TAB1: variants seen among roughly 807,000 people sequenced by gnomAD.
The protein encoded by TAB1 is TGF-beta-activated kinase 1 and MAP3K7-binding protein 1.
A neutral mutation model predicts 54.5 loss-of-function variants in TAB1; 30 were observed. The observed-to-expected ratio is 0.55, with a 90% CI of 0.41 to 0.75. The LOEUF is 0.75. Among genes scored for constraint, TAB1 ranks in the 30% least tolerant of loss-of-function variants. TAB1 has a pLI of 0.00. For synonymous variants in TAB1, 289 were observed against 286.9 expected (o/e 1.01, Z -0.07); for missense variants, 609 against 683.2 (o/e 0.89, Z 1.21).
At chr22:39,410,142 C>G (rs552827502) in intron 1 of TAB1, among the ~76,000 whole-genome samples, 183 of 152,292 alleles carry the variant, frequency 1.2e-3, no homozygotes, top group Middle Eastern at 3.4e-3. Flanking sequence ...GAGTCTCACT[C>G]TGTCATCCAG....
chr22:39,415,756 C>A lies in TAB1; in HGVS notation c.324+103C>A. 1 of 1,431,974 alleles carries A rather than the reference C, an allele frequency of 7.0e-7. No individual in the cohort carries two copies. The highest frequency in any genetic ancestry group is 9.4e-7 in the Non-Finnish European group (1 of 1,069,498). 88.7% of individuals were successfully genotyped at this position (1,431,974 alleles called of 1,614,324 possible). On this transcript the variant is annotated intron_variant, in intron 3 of 10. Coordinates refer to ENST00000216160, the MANE Select transcript of TAB1 (RefSeq NM_006116.3). The surrounding 1 kb of genome is among the most constrained non-coding windows in gnomAD (Gnocchi z 4.9). ...TGTTGCCAGGGTTGGTGTGAAGATCCTGCCGGCCCCTTCACCCCAGTAGAG... is the reference window on the plus strand; with the variant it reads ...TGTTGCCAGGGTTGGTGTGAAGATCATGCCGGCCCCTTCACCCCAGTAGAG...
downstream of TAB1, chr22:39,433,648 G>A: frequency 6.1e-6 from 6 of 985,428 alleles, no homozygotes; most frequent in Non-Finnish European, 6.0e-6. Flanking sequence ...TGAGCTGGGA[G>A]CTGGCAGCAG....
rs776021617 is a variant in TAB1, at chr22:39,415,006, G to A, written c.34G>A (p.Glu12Lys). The A allele has an allele frequency of 1.2e-6, 2 of 1,613,844 alleles. No individual in the cohort carries two copies. Among genetic ancestry groups the A allele is most frequent in the African/African-American group, 1.3e-5 (1 of 74,916 alleles). The change falls in exon 2 of 11, where the codon GAG becomes AAG. Residue 12 changes from glutamate (E) to lysine (K), a missense_variant and splice_region_variant. Physicochemically the swap from Glu to Lys is moderately conservative, Grantham distance 56. Transcript: ENST00000216160. This position sits in a 1 kb window ranked among gnomAD's most constrained non-coding sequence, Gnocchi z 4.9. ...AAQRRSLLQS[E>K]QQPSWTDDLP... ...ACGGCTTCCTGGTGTCCTTCCCCAGGAGCAGCAGCCAAGCTGGACAGATGA... is the reference window on the plus strand; with the variant it reads ...ACGGCTTCCTGGTGTCCTTCCCCAGAAGCAGCAGCCAAGCTGGACAGATGA...
chr22:39,416,012 G>A (rs976263496), intron 3 of TAB1, among the ~76,000 whole-genome samples: 2 of 152,164 alleles, frequency 1.3e-5, no homozygotes, highest in African/African-American at 2.4e-5. Flanking sequence ...CCAGGTGCAG[G>A]AGCCATCCCT....
intron 1 of TAB1, among the ~76,000 whole-genome samples, chr22:39,409,437 G>C (rs996437887): frequency 1.3e-4 from 20 of 152,150 alleles, no homozygotes; most frequent in African/African-American, 4.3e-4. Context: ...CATTCCCATG[G>C]CCCAGAGGCC....
At chr22:39,411,280 A>T (rs1415761087) in intron 1 of TAB1, among the ~76,000 whole-genome samples, 1 of 152,244 alleles carries the variant, frequency 6.6e-6, no homozygotes, top group African/African-American at 2.4e-5. Flanking sequence ...AAAAGCATGA[A>T]CCATGAAAGA....
At position 39,426,925 on chromosome 22, in the gene TAB1, G is replaced by A. The variant is rs1601699727; in HGVS notation, c.1144G>A (p.Ala382Thr). The change falls in exon 9 of 11, where the codon GCT (alanine) becomes ACT (threonine). Residue 382 changes from alanine to threonine, a missense_variant and splice_region_variant. Physicochemically the swap from Ala to Thr is moderately conservative, Grantham distance 58. Coordinates refer to ENST00000216160, the MANE Select transcript of TAB1 (RefSeq NM_006116.3). ...MSQPTPSPAP[A>T]AGGRVYPVSV... ...CCAGCCCACACCGAGCCCAGCCCCA[G>A]GTACGTGTGCTGTGCAGACAGGCAG... 6 of 1,610,562 alleles carry A rather than the reference G, an allele frequency of 3.7e-6. No homozygotes were observed. In the East Asian group the frequency reaches 1.3e-4, roughly 36 times the overall value.
chr22:39,405,743 G>C (rs17001091), intron 1 of TAB1, among the ~76,000 whole-genome samples: 4 of 152,176 alleles, frequency 2.6e-5, no homozygotes, highest in Non-Finnish European at 4.4e-5. Context: ...AGCAATGGAC[G>C]CTCGGTATGG....
chr22:39,400,412 G>A (rs1926085805), intron 1 of TAB1, among the ~76,000 whole-genome samples: 1 of 152,190 alleles, frequency 6.6e-6, no homozygotes, highest in South Asian at 2.1e-4. Flanking sequence ...CCCCTGGGCT[G>A]TACTAAAGGA....
intron 10 of TAB1, chr22:39,429,772 G>A (rs188506999): frequency 9.2e-6 from 9 of 973,458 alleles, no homozygotes; most frequent in East Asian, 1.1e-4. Context: ...ATGAGCCACC[G>A]CGCCCAGCCC....
intron 1 of TAB1, 155 bp from the exon 2 acceptor site, chr22:39,414,851 C>A (rs752483059): frequency 5.3e-5 from 40 of 754,566 alleles, no homozygotes; most frequent in Middle Eastern, 3.8e-4. Flanking sequence ...CTGCAGGTGT[C>A]TGTTCATACA....
intron 1 of TAB1, among the ~76,000 whole-genome samples, chr22:39,403,680 C>G (rs1360582217): frequency 6.6e-6 from 1 of 150,856 alleles, no homozygotes; most frequent in Middle Eastern, 3.4e-3. Context: ...GCTCTGTTGC[C>G]CAGGCTGGAG....
chr22:39,419,100 G>A (rs1926959694), intron 6 of TAB1, among the ~76,000 whole-genome samples: 1 of 152,220 alleles, frequency 6.6e-6, no homozygotes, highest in African/African-American at 2.4e-5. Flanking sequence ...TTCAGTTAGT[G>A]CATGTGAAAT....
chr22:39,430,000 C>A lies in TAB1; in HGVS notation c.1308-15C>A, dbSNP rs1568988167. 1 of 1,612,086 alleles carries A rather than the reference C, an allele frequency of 6.2e-7. No individual in the cohort carries two copies. The highest frequency in any genetic ancestry group is 2.2e-5 in the East Asian group (1 of 44,866). ...CGGCTGCTTCTGATTGACTCCCTCCCCTGTTGTCCTGCAGCCAAAGCCCGA... is the reference window on the plus strand; with the variant it reads ...CGGCTGCTTCTGATTGACTCCCTCCACTGTTGTCCTGCAGCCAAAGCCCGA... On this transcript the variant is annotated splice_polypyrimidine_tract_variant and intron_variant, in intron 10 of 10. Coordinates refer to ENST00000216160, the MANE Select transcript of TAB1 (RefSeq NM_006116.3).
chr22:39,418,840 A>G lies in TAB1; in HGVS notation c.659A>G (p.Gln220Arg), dbSNP rs772116839. The G allele has an allele frequency of 9.9e-6, 16 of 1,613,408 alleles. No homozygotes were observed. The highest frequency in any genetic ancestry group is 1.7e-5 in the Admixed American group (1 of 59,988). ...ENEDELFRLS[Q>R]LGLDAGKIKQ... is the part of the protein sequence containing the mutation. ...GAGGATGAGCTCTTCCGTCTTTCGCAGCTGGGTGAGTGGGGAGAGTGGGAG... is the reference window on the plus strand; with the variant it reads ...GAGGATGAGCTCTTCCGTCTTTCGCGGCTGGGTGAGTGGGGAGAGTGGGAG... The change falls in exon 6 of 11, where the codon CAG becomes CGG. Residue 220 changes from glutamine to arginine, a missense_variant. Physicochemically the swap from Gln to Arg is conservative, Grantham distance 43 (BLOSUM62 1). Coordinates refer to ENST00000216160, the MANE Select transcript of TAB1 (RefSeq NM_006116.3).
rs753982249 is a variant in TAB1, at chr22:39,425,277, G to A, written c.922-1426G>A. Among the ~76,000 whole-genome samples, 287 of 151,920 alleles carry A rather than the reference G, an allele frequency of 1.9e-3. 3 individuals carry two copies. The highest frequency in any genetic ancestry group is 2.9e-4 in the Non-Finnish European group (20 of 67,972). On this transcript the variant is annotated intron_variant, in intron 8 of 10. Transcript: ENST00000216160. Reference sequence around the variant, plus strand: ...CGCACGCCTGTAATCCTAGCTACTCGGGAGGCTGAGGCGGGAGAATTCTTG... The same window carrying A: ...CGCACGCCTGTAATCCTAGCTACTCAGGAGGCTGAGGCGGGAGAATTCTTG...
Position 39,426,703 on chromosome 22 carries a change from G to T in TAB1, c.922G>T (p.Glu308Ter). The T allele has an allele frequency of 6.3e-7, 1 of 1,596,254 alleles. No individual in the cohort carries two copies. Among genetic ancestry groups the T allele is most frequent in the Non-Finnish European group, 8.6e-7 (1 of 1,165,782 alleles). The stretch of plus-strand genomic sequence containing the variant: ...AGGTTCTTCCTACCCCCTCCCCCAG[G>T]AGATTGCTGCGATGATTGACACTGA... ...AAHGPGQANQ[E>*]IAAMIDTEFA... is the part of the protein sequence containing the mutation. Residue 308 changes from glutamate to a stop codon, truncating the protein, a stop_gained and splice_region_variant, in exon 9 of 11, where the codon GAG (glutamate) becomes TAG (stop). Coordinates refer to ENST00000216160, the MANE Select transcript of TAB1 (RefSeq NM_006116.3). LOFTEE classifies it high-confidence loss of function.
In TAB1 at chr22:39,430,536, A is replaced by C; in HGVS notation, c.*314A>C. 3 of 1,259,278 alleles carry C rather than the reference A, an allele frequency of 2.4e-6. No homozygotes were observed. Among genetic ancestry groups the C allele is most frequent in the Non-Finnish European group, 3.0e-6 (3 of 988,570 alleles). 78.0% of individuals were successfully genotyped at this position (1,259,278 alleles called of 1,614,324 possible). The stretch of plus-strand genomic sequence containing the variant: ...GCCTGCAAGCCGCCCGAGCCTCCCC[A>C]GCAGCCTCCTACAGAGCAGGAAGAG... On this transcript the variant is annotated 3_prime_UTR_variant, in exon 11 of 11. Transcript: ENST00000216160.
chr22:39,415,256 T>A lies in TAB1; in HGVS notation c.170+114T>A. 1 of 1,340,440 alleles carries A rather than the reference T, an allele frequency of 7.5e-7. No individual in the cohort carries two copies. The highest frequency in any genetic ancestry group is 1.0e-6 in the Non-Finnish European group (1 of 987,194). The allele number at this position is 1,340,440 out of a possible 1,614,324, so 83.0% of individuals were successfully genotyped here. On this transcript the variant is annotated intron_variant, in intron 2 of 10. Transcript: ENST00000216160. The surrounding 1 kb of genome is among the most constrained non-coding windows in gnomAD (Gnocchi z 4.9). ...GGGCTTGCCAGTGACATGTGGCCCG[T>A]GAGAGGTGGCCTCTGCTGCTGTCTT... is the stretch of plus-strand genomic sequence containing the variant.
Sources: allele counts gnomAD v4.1 joint callset (sites outside exome capture counted in the v4.1 genomes callset), GRCh38; gene constraint gnomAD v4.1.1; non-coding constraint Gnocchi (gnomAD v3.1); transcripts MANE v1.5; gene names NCBI Gene and HGNC (gene_info 2026-07-23, HGNC 2026-07-21).